The following FBXL13 variants were observed in gnomAD, a reference collection of about 807,000 sequenced individuals.
FBXL13 encodes F-box and leucine-rich repeat protein 13.
In FBXL13, 67 loss-of-function variants were observed where a neutral mutation model predicts 83.6. That is an observed-to-expected ratio of 0.80 (90% CI 0.66 to 0.98). The LOEUF (loss-of-function observed/expected upper bound fraction) is 0.98, where lower values mean the gene tolerates loss of function less well. FBXL13 is among the 50% of genes least tolerant of loss of function. The probability of loss-of-function intolerance (pLI) is 0.00; values close to 1 mark genes in which losing one functional copy is unlikely to be tolerated. For missense variants in FBXL13, 822 were observed against 866.5 expected (o/e 0.95, Z 0.64); for synonymous variants, 272 against 299.5 (o/e 0.91, Z 0.95).
intron 17 of FBXL13, among the ~76,000 whole-genome samples, chr7:102,838,182 G>T (rs1190470897): frequency 6.6e-6 from 1 of 152,134 alleles, no homozygotes; most frequent in Non-Finnish European, 1.5e-5. Context: ...GAGATGTTTT[G>T]TGTCTCTGGA....
chr7:102,973,132 T>G (rs1826933463), intron 6 of FBXL13: 1 of 171,820 alleles, frequency 5.8e-6, no homozygotes, highest in African/African-American at 2.4e-5. Context: ...ATGTGAAATT[T>G]TAAAATGTTG....
intron 2 of FBXL13, among the ~76,000 whole-genome samples, chr7:103,045,502 C>A (rs1334051849): frequency 6.6e-6 from 1 of 152,128 alleles, no homozygotes; most frequent in Non-Finnish European, 1.5e-5. Flanking sequence ...TTGAAACATA[C>A]TGGGAAACAG....
At chr7:102,822,571 CT>C in intron 18 of FBXL13, 3 of 411,524 alleles carry the variant, frequency 7.3e-6, no homozygotes, top group South Asian at 5.5e-5. Flanking sequence ...CTTTCTATTA[CT>C]GTCACAGTGG....
chr7:102,834,092 A>AG (rs1562925949), intron 17 of FBXL13, among the ~76,000 whole-genome samples: 1 of 85,984 alleles, frequency 1.2e-5, no homozygotes, highest in Admixed American at 1.0e-4. Context: ...AAAGAAAAGA[A>AG]AGAAAGAAAG....
At chr7:102,832,359 CCCTA>C (rs1252839505) in intron 18 of FBXL13, among the ~76,000 whole-genome samples, 3 of 152,156 alleles carry the variant, frequency 2.0e-5, no homozygotes, top group African/African-American at 7.2e-5. Context: ...TCCACTAAGG[CCCTA>C]GCTCAATGAA....
intron 9 of FBXL13, among the ~76,000 whole-genome samples, chr7:102,930,268 C>T (rs1188665339): frequency 6.6e-6 from 1 of 152,120 alleles, no homozygotes; most frequent in Non-Finnish European, 1.5e-5. Flanking sequence ...GAGCTGGTGC[C>T]TCATGATTGG....
Position 102,917,853 on chromosome 7 carries a change from A to C in FBXL13, c.879-4638T>G, listed in dbSNP as rs1816211158. On this transcript the variant is annotated intron_variant, in intron 10 of 19. Transcript: ENST00000313221. Reference sequence around the variant, plus strand: ...GTGCCACCTAGGTTGTGACAATAGGAATAAATAGAAAGTGTTTAGTTCCGG... The same window carrying C: ...GTGCCACCTAGGTTGTGACAATAGGCATAAATAGAAAGTGTTTAGTTCCGG... Among the ~76,000 whole-genome samples, 3 of 152,178 alleles carry C rather than the reference A, an allele frequency of 2.0e-5. 1 individual carries two copies. The South Asian group carries it at 6.2e-4, about 31-fold the overall frequency.
intron 10 of FBXL13, among the ~76,000 whole-genome samples, chr7:102,922,521 C>A (rs1469693036): frequency 6.6e-6 from 1 of 151,998 alleles, no homozygotes; most frequent in Non-Finnish European, 1.5e-5. Flanking sequence ...TACTATTTTG[C>A]GGATATAAAG....
intron 6 of FBXL13, among the ~76,000 whole-genome samples, chr7:103,007,389 AG>A (rs1280427520): frequency 7.9e-5 from 12 of 152,128 alleles, no homozygotes; most frequent in African/African-American, 2.9e-4. Context: ...AAAAAAATTT[AG>A]CCCCTAACTG....
rs558350396 is a variant in FBXL13 at position 102,906,066 on chromosome 7, A to G, written c.1008+7020T>C. On this transcript the variant is annotated intron_variant, in intron 11 of 19. Coordinates refer to ENST00000313221, the Ensembl canonical transcript of FBXL13. ...ACTTCTTATATGGCGGCAGCAAGAAAAAAACGAGAAAGATGCAAAAGCGGA... is the reference window on the plus strand; with the variant it reads ...ACTTCTTATATGGCGGCAGCAAGAAGAAAACGAGAAAGATGCAAAAGCGGA... Among the ~76,000 whole-genome samples the G allele has an allele frequency of 2.0e-5, 3 of 152,318 alleles. No homozygotes were observed. In the East Asian group the frequency reaches 5.8e-4, roughly 29 times the overall value.
chr7:103,060,283 C>A (rs1447491012), intron 1 of FBXL13, among the ~76,000 whole-genome samples: 1 of 151,548 alleles, frequency 6.6e-6, no homozygotes, highest in Non-Finnish European at 1.5e-5. Flanking sequence ...GAACTCCTGG[C>A]CTTAAGTGAT....
intron 5 of FBXL13, 139 bp from the exon 7 acceptor site, chr7:103,025,369 A>G (rs1793787301): frequency 1.9e-6 from 1 of 518,288 alleles, no homozygotes; most frequent in Non-Finnish European, 3.3e-6. Flanking sequence ...TACATAAACT[A>G]TAATTTTTCA....
chr7:102,967,528 C>T (rs946444212), intron 7 of FBXL13, among the ~76,000 whole-genome samples: 1 of 152,212 alleles, frequency 6.6e-6, no homozygotes, highest in Non-Finnish European at 1.5e-5. Flanking sequence ...CCACCTTGAC[C>T]TTCCAAAGTG....
At chr7:102,849,823 C>T (rs1804869719) in intron 17 of FBXL13, among the ~76,000 whole-genome samples, 1 of 151,646 alleles carries the variant, frequency 6.6e-6, no homozygotes, top group Admixed American at 6.6e-5. Flanking sequence ...CAGACACACA[C>T]GTACCAAAAG....
intron 11 of FBXL13, among the ~76,000 whole-genome samples, chr7:102,906,767 A>G (rs1813813765): frequency 6.6e-6 from 1 of 152,180 alleles, no homozygotes; most frequent in Non-Finnish European, 1.5e-5. Flanking sequence ...TGGTGCCTTT[A>G]GGATCCTCTC....
chr7:102,894,807 T>C lies in FBXL13; in HGVS notation c.1009-10495A>G, dbSNP rs78341305. ...TCATAGCTTCCTAGGCACTTTTCTTTCTGTAAATTTAAAGAAATATCAGAC... is the reference window on the plus strand; with the variant it reads ...TCATAGCTTCCTAGGCACTTTTCTTCCTGTAAATTTAAAGAAATATCAGAC... On this transcript the variant is annotated intron_variant, in intron 11 of 19. Coordinates refer to ENST00000313221, the Ensembl canonical transcript of FBXL13. 3.7e-3 allele frequency among the ~76,000 whole-genome samples: 566 copies of C among 152,130 alleles called. 5 individuals are homozygous for C. Among genetic ancestry groups the C allele is most frequent in the African/African-American group, 0.013 (559 of 41,504 alleles).
exon 15 of FBXL13, chr7:102,878,440 T>C: frequency 6.3e-7 from 1 of 1,597,214 alleles, no homozygotes; most frequent in Non-Finnish European, 8.5e-7. Flanking sequence ...TTTAGTCCCA[T>C]ATCACCAATT....
At chr7:102,998,202 T>C (rs1393256066) in intron 6 of FBXL13, among the ~76,000 whole-genome samples, 1 of 152,256 alleles carries the variant, frequency 6.6e-6, no homozygotes, top group Non-Finnish European at 1.5e-5. Context: ...TTTTGAGAAA[T>C]GTCTATTCAG....
chr7:102,869,597 T>C (rs914715807), intron 16 of FBXL13, among the ~76,000 whole-genome samples: 2 of 152,220 alleles, frequency 1.3e-5, no homozygotes, highest in African/African-American at 4.8e-5. Flanking sequence ...TTCAAATAGT[T>C]TCATATTTCT....
Sources: gnomAD v4.1 joint callset for allele counts (sites outside exome capture counted in the v4.1 genomes callset) on GRCh38, gnomAD v4.1.1 for gene constraint, MANE v1.5 for transcripts, NCBI Gene and HGNC (gene_info 2026-07-23, HGNC 2026-07-21) for gene names.